Variants in ATP10B observed in about 807,000 individuals in gnomAD.
ATP10B encodes the protein ATPase phospholipid transporting 10B (putative), also known as phospholipid-transporting ATPase VB.
In ATP10B, 122 loss-of-function variants were observed where a neutral mutation model predicts 141.2. The observed-to-expected ratio is 0.86, with a 90% CI of 0.75 to 1.00. The LOEUF is 1.00. ATP10B is among the 50% of genes least tolerant of loss of function. The pLI is 0.00. For missense variants in ATP10B, 1,876 were observed against 1,825.3 expected (o/e 1.03, Z -0.51); for synonymous variants, 685 against 692.0 (o/e 0.99, Z 0.16).
At chr5:160,831,280 C>T (rs540914693) in intron 1 of ATP10B, among the ~76,000 whole-genome samples, 8 of 152,072 alleles carry the variant, frequency 5.3e-5, no homozygotes, top group African/African-American at 1.7e-4. Context: ...GGTGACTCTA[C>T]CTAGCATAGA....
chr5:160,690,779 A>G (rs1764030107), intron 3 of ATP10B, among the ~76,000 whole-genome samples: 1 of 152,200 alleles, frequency 6.6e-6, no homozygotes, highest in African/African-American at 2.4e-5. Flanking sequence ...TAGTTCAATC[A>G]TTGTGGAAGA....
chr5:160,907,981 A>G, the ATP10B span, among the ~76,000 whole-genome samples: 2 of 152,262 alleles, frequency 1.3e-5, no homozygotes, highest in East Asian at 3.9e-4. Flanking sequence ...TGACTTGGCT[A>G]CAGGTTGGAT....
intron 2 of ATP10B, among the ~76,000 whole-genome samples, chr5:160,733,176 G>A (rs766388735): frequency 9.9e-5 from 15 of 151,996 alleles, no homozygotes; most frequent in Non-Finnish European, 1.5e-4. Context: ...TCACCTGCTC[G>A]GTTAAATTAA....
intron 17 of ATP10B, chr5:160,614,296 GT>G (rs1757884162): frequency 1.3e-5 from 2 of 152,310 alleles, no homozygotes; most frequent in Non-Finnish European, 2.9e-5. Context: ...ATTTATTTGT[GT>G]GAAAGAGAAA....
chr5:160,846,979 G>A (rs1313220035), intron 1 of ATP10B, among the ~76,000 whole-genome samples: 1 of 152,220 alleles, frequency 6.6e-6, no homozygotes, highest in Non-Finnish European at 1.5e-5. Context: ...CTGGCAGATA[G>A]TAAGTACTCA....
chr5:160,824,700 A>G (rs1232584779), intron 1 of ATP10B, among the ~76,000 whole-genome samples: 1 of 152,266 alleles, frequency 6.6e-6, no homozygotes, highest in African/African-American at 2.4e-5. Context: ...GTGTTTGTAT[A>G]TCTAAACATA....
chr5:160,908,699 G>T, the ATP10B span, among the ~76,000 whole-genome samples: 1 of 152,144 alleles, frequency 6.6e-6, no homozygotes, highest in East Asian at 1.9e-4. Context: ...GAACATCCCT[G>T]GTTAGGTCCT....
chr5:160,811,131 A>C lies in ATP10B; in HGVS notation c.-575-25328T>G, dbSNP rs116328976. On this transcript the variant is annotated intron_variant, in intron 1 of 25. Transcript: ENST00000327245. Reference sequence around the variant, plus strand: ...GTCCCAGTCCTGGCAGGACCCATCAACTGCTGACTAAAGAGCCCTTGGGCC... The same window carrying C: ...GTCCCAGTCCTGGCAGGACCCATCACCTGCTGACTAAAGAGCCCTTGGGCC... Among the ~76,000 whole-genome samples the C allele has an allele frequency of 7.0e-3, 1,064 of 152,250 alleles. 18 individuals carry two copies. Among genetic ancestry groups the C allele is most frequent in the African/African-American group, 0.024 (1,003 of 41,550 alleles).
At chr5:160,919,305 T>A in the ATP10B span, among the ~76,000 whole-genome samples, 1 of 150,632 alleles carries the variant, frequency 6.6e-6, no homozygotes, top group East Asian at 1.9e-4. Context: ...ACATTTATTC[T>A]TTCCATGAAT....
chr5:160,740,245 A>G (rs1277202252), intron 2 of ATP10B, among the ~76,000 whole-genome samples: 1 of 152,200 alleles, frequency 6.6e-6, no homozygotes, highest in Non-Finnish European at 1.5e-5. Context: ...AATTTAAAGG[A>G]TTTTCAAAAT....
chr5:160,812,342 T>A (rs1049907102), intron 1 of ATP10B, among the ~76,000 whole-genome samples: 1 of 152,048 alleles, frequency 6.6e-6, no homozygotes, highest in Non-Finnish European at 1.5e-5. Flanking sequence ...ACTTAACTAT[T>A]TAATTAAGAG....
At chr5:160,633,647 C>T (rs896350571) in intron 12 of ATP10B, 11 of 157,656 alleles carry the variant, frequency 7.0e-5, no homozygotes, top group Admixed American at 5.9e-4. Flanking sequence ...ACATGTATAC[C>T]TATGTAACAA....
chr5:160,911,789 C>T, the ATP10B span, among the ~76,000 whole-genome samples: 4 of 152,170 alleles, frequency 2.6e-5, no homozygotes, highest in Non-Finnish European at 5.9e-5. Context: ...GACCATCTCA[C>T]CCAGCCTGGT....
At chr5:160,912,030 C>G in the ATP10B span, among the ~76,000 whole-genome samples, 3 of 152,056 alleles carry the variant, frequency 2.0e-5, no homozygotes. Flanking sequence ...AAAACCACTA[C>G]TAAGGAGCTT....
chr5:160,785,631 T>C lies in ATP10B; in HGVS notation c.-403A>G. On this transcript the variant is annotated 5_prime_UTR_variant, in exon 2 of 26. Transcript: ENST00000327245. The stretch of plus-strand genomic sequence containing the variant: ...TTTGAAGTCTCAGTGTTTATTGTTC[T>C]CATCTTTGTGTCCATGTGTAAGAAA... 1 of 1,259,672 alleles carries C rather than the reference T, an allele frequency of 7.9e-7. No individual in the cohort carries two copies. Among genetic ancestry groups the C allele is most frequent in the Non-Finnish European group, 1.0e-6 (1 of 961,934 alleles). 78.0% of individuals were successfully genotyped at this position (1,259,672 alleles called of 1,614,324 possible).
intron 1 of ATP10B, among the ~76,000 whole-genome samples, chr5:160,810,338 C>G (rs966497471): frequency 6.6e-6 from 1 of 151,810 alleles, no homozygotes; most frequent in Non-Finnish European, 1.5e-5. Flanking sequence ...TTCTATTATC[C>G]TTTTTTGACC....
At chr5:160,669,381 A>G (rs1384333911) in intron 7 of ATP10B, among the ~76,000 whole-genome samples, 1 of 152,170 alleles carries the variant, frequency 6.6e-6, no homozygotes, top group African/African-American at 2.4e-5. Flanking sequence ...GAGGGAACCA[A>G]GGTGTGAGAG....
chr5:160,805,122 T>C (rs147707734), intron 1 of ATP10B, among the ~76,000 whole-genome samples: 144 of 152,366 alleles, frequency 9.5e-4, no homozygotes, highest in African/African-American at 3.5e-3. Flanking sequence ...ACATTGTATG[T>C]GTCTATATAT....
chr5:160,610,535 C>G (rs893059409), intron 18 of ATP10B, among the ~76,000 whole-genome samples: 2 of 152,154 alleles, frequency 1.3e-5, no homozygotes, highest in African/African-American at 4.8e-5. Flanking sequence ...GTTGTTTCAG[C>G]TCCTAAGGTT....
Sources: allele counts gnomAD v4.1 joint callset (sites outside exome capture counted in the v4.1 genomes callset), GRCh38; gene constraint gnomAD v4.1.1; transcripts MANE v1.5; gene names NCBI Gene and HGNC (gene_info 2026-07-23, HGNC 2026-07-21).